SNX29: variants seen among roughly 807,000 people sequenced by gnomAD.
SNX29 encodes the protein sorting nexin 29, also known as sorting nexin-29.
Under a neutral mutation model 102.1 loss-of-function variants are expected in SNX29, and 78 were observed. The observed-to-expected ratio is 0.76, with a 90% CI of 0.64 to 0.92. The LOEUF is 0.92. SNX29 is among the 40% of genes least tolerant of loss of function. The pLI is 0.00. For missense variants in SNX29, 1,280 were observed against 1,061.7 expected (o/e 1.21, Z -2.86); for synonymous variants, 580 against 414.5 (o/e 1.40, Z -4.85).
chr16:12,431,243 G>A (rs891807166), intron 18 of SNX29, among the ~76,000 whole-genome samples: 1 of 152,100 alleles, frequency 6.6e-6, no homozygotes, highest in African/African-American at 2.4e-5. Context: ...GGGCAAAGGG[G>A]GAAGAGGGGA....
intron 18 of SNX29, among the ~76,000 whole-genome samples, chr16:12,467,619 C>T (rs955936195): frequency 6.3e-5 from 9 of 143,648 alleles, no homozygotes; most frequent in Admixed American, 1.4e-4. Context: ...TTTGTTCGTT[C>T]GTTAGTTCGT....
At position 12,045,655 on chromosome 16, in the gene SNX29, G is replaced by A. The variant is rs563476517; in HGVS notation, c.429-729G>A. Among the ~76,000 whole-genome samples the A allele has an allele frequency of 3.5e-3, 342 of 98,098 alleles. 3 individuals are homozygous for A. The highest frequency in any genetic ancestry group is 0.014 in the Middle Eastern group (2 of 144). 64.4% of individuals were successfully genotyped at this position (98,098 alleles called of 152,430 possible). A position where few individuals can be genotyped will look rare whatever the true frequency, so the allele number is the denominator to read the frequency against. On this transcript the variant is annotated intron_variant, in intron 5 of 20. Transcript: ENST00000566228. ...ATTATTATTATTATTATTTTGAGGT[G>A]GAGTCTTGCTCTTTCGCCCAAGCTG...
intron 16 of SNX29, chr16:12,375,994 C>G (rs2151400818): frequency 7.4e-6 from 1 of 135,556 alleles, no homozygotes; most frequent in South Asian, 2.3e-4. Context: ...GATCGACCCA[C>G]TACATTCCAG....
At chr16:12,221,403 T>TCA in intron 14 of SNX29, among the ~76,000 whole-genome samples, 1 of 152,230 alleles carries the variant, frequency 6.6e-6, no homozygotes, top group South Asian at 2.1e-4. Context: ...TTACCTGAGG[T>TCA]CAGGAGTTTG....
intron 14 of SNX29, among the ~76,000 whole-genome samples, chr16:12,257,690 ATTTTTTTT>A: frequency 7.1e-6 from 1 of 141,040 alleles, no homozygotes; most frequent in African/African-American, 2.7e-5. Flanking sequence ...CTTATTTAAA[ATTTTTTTT>A]TTTTTTTTTT....
intron 19 of SNX29, among the ~76,000 whole-genome samples, chr16:12,495,665 A>G (rs1246265361): frequency 1.3e-5 from 2 of 152,244 alleles, no homozygotes; most frequent in Non-Finnish European, 2.9e-5. Flanking sequence ...GACAAAATCC[A>G]GTTTGTATTT....
chr16:12,372,053 G>C (rs2082704325), intron 16 of SNX29, among the ~76,000 whole-genome samples: 1 of 152,182 alleles, frequency 6.6e-6, no homozygotes, highest in Non-Finnish European at 1.5e-5. Flanking sequence ...AAAGACAAGT[G>C]TTCCCTCCTA....
chr16:12,492,479 T>G (rs1448872451), intron 19 of SNX29, among the ~76,000 whole-genome samples: 1 of 152,222 alleles, frequency 6.6e-6, no homozygotes, highest in Non-Finnish European at 1.5e-5. Flanking sequence ...ATTTTGCAGG[T>G]TGCCTGTTCA....
At chr16:12,550,346 C>A (rs1048077538) in intron 20 of SNX29, among the ~76,000 whole-genome samples, 105 of 152,024 alleles carry the variant, frequency 6.9e-4, no homozygotes, top group African/African-American at 2.4e-3. Context: ...ACCAGCCTAG[C>A]CAACAAGAGG....
intron 14 of SNX29, among the ~76,000 whole-genome samples, chr16:12,232,759 C>T (rs2077808626): frequency 6.6e-6 from 1 of 152,122 alleles, no homozygotes; most frequent in South Asian, 2.1e-4. Context: ...TGACTGTGGG[C>T]AGAAGATGTC....
chr16:12,358,582 C>T (rs1020004776), intron 16 of SNX29, among the ~76,000 whole-genome samples: 24 of 152,130 alleles, frequency 1.6e-4, no homozygotes, highest in Admixed American at 3.3e-4. Context: ...CCCTGCTATC[C>T]ATAAAGAAAT....
chr16:12,045,755 C>G (rs1056289299), intron 5 of SNX29, among the ~76,000 whole-genome samples: 13 of 151,872 alleles, frequency 8.6e-5, no homozygotes, highest in Non-Finnish European at 1.9e-4. Flanking sequence ...TCCCGAGTAG[C>G]TGGGATTACA....
chr16:12,323,182 C>T (rs1050180920), intron 15 of SNX29, among the ~76,000 whole-genome samples: 4 of 97,870 alleles, frequency 4.1e-5, no homozygotes, highest in African/African-American at 2.3e-4. Flanking sequence ...CTGGAGTCAC[C>T]GGGGACCACT....
At chr16:12,117,513 A>C (rs983949409) in intron 11 of SNX29, among the ~76,000 whole-genome samples, 1 of 152,216 alleles carries the variant, frequency 6.6e-6, no homozygotes, top group Non-Finnish European at 1.5e-5. Flanking sequence ...AAAAGACTCT[A>C]TTAAAAAAGA....
intron 13 of SNX29, among the ~76,000 whole-genome samples, chr16:12,185,579 C>T (rs1052422328): frequency 6.6e-6 from 1 of 152,194 alleles, no homozygotes; most frequent in African/African-American, 2.4e-5. Flanking sequence ...CTTTCTCTCT[C>T]CCTCTGTCTC....
chr16:12,288,922 C>T (rs2079698414), intron 15 of SNX29, among the ~76,000 whole-genome samples: 1 of 152,154 alleles, frequency 6.6e-6, no homozygotes, highest in Admixed American at 6.5e-5. Flanking sequence ...GTACTCTTCC[C>T]ATCGCCCTCT....
intron 13 of SNX29, among the ~76,000 whole-genome samples, chr16:12,151,037 T>G (rs527647882): frequency 1.8e-4 from 28 of 152,202 alleles, no homozygotes; most frequent in Non-Finnish European, 3.7e-4. Flanking sequence ...TATGTTTGTT[T>G]CTGCTTTTTA....
chr16:11,985,501 A>G (rs1468654804), intron 1 of SNX29, among the ~76,000 whole-genome samples: 4 of 152,192 alleles, frequency 2.6e-5, no homozygotes, highest in African/African-American at 9.7e-5. Context: ...TATCAGGATT[A>G]TCTTTCTGTC....
At chr16:12,318,085 C>G (rs1488379032) in intron 15 of SNX29, among the ~76,000 whole-genome samples, 1 of 152,262 alleles carries the variant, frequency 6.6e-6, no homozygotes, top group African/African-American at 2.4e-5. Context: ...GTCAGCGGTG[C>G]TGTGACTGAG....
Sources: gnomAD v4.1 joint callset for allele counts (sites outside exome capture counted in the v4.1 genomes callset) on GRCh38, gnomAD v4.1.1 for gene constraint, MANE v1.5 for transcripts, NCBI Gene and HGNC (gene_info 2026-07-23, HGNC 2026-07-21) for gene names.